Variants in ATRX observed in about 807,000 individuals in gnomAD.
ATRX encodes chromatin remodeler ATRX.
ATRX carries 12 observed loss-of-function variants against 172.6 expected under a neutral mutation model. The ratio of observed to expected loss-of-function variants is 0.07; its 90% CI spans 0.04 to 0.11. The LOEUF is 0.11. Among genes scored for constraint, ATRX ranks in the 10% least tolerant of loss-of-function variants. The pLI, the probability that ATRX is intolerant of heterozygous loss-of-function variation, is 1.00. For missense variants in ATRX, 1,368 were observed against 1,767.4 expected, an observed-to-expected ratio of 0.77 and a Z score of 4.05; for synonymous variants, 674 against 594.7, an observed-to-expected ratio of 1.13 and a Z score of -1.94.
At chrX:77,734,208 AATACATACATACATAC>A (rs201853848) in intron 1 of ATRX, among the ~76,000 whole-genome samples, 51 of 92,032 alleles carry the variant, frequency 5.5e-4, no homozygotes, top group South Asian at 5.2e-3. Context: ...TTCTGTCTCA[AATACATACATACATAC>A]ATACATACAT....
intron 7 of ATRX, among the ~76,000 whole-genome samples, chrX:77,685,829 TAC>T (rs1167884714): frequency 9.0e-6 from 1 of 111,726 alleles, no homozygotes; most frequent in Non-Finnish European, 1.9e-5. Flanking sequence ...TAAAATGCGG[TAC>T]ATATACACAA....
chrX:77,550,823 A>G, intron 30 of ATRX, among the ~76,000 whole-genome samples: 1 of 111,662 alleles, frequency 9.0e-6, no homozygotes, highest in Non-Finnish European at 1.9e-5. Flanking sequence ...CACTAATAAG[A>G]GACAAACAGA....
intron 2 of ATRX, among the ~76,000 whole-genome samples, chrX:77,712,119 T>C (rs2148729267): frequency 8.9e-6 from 1 of 111,914 alleles, no homozygotes; most frequent in South Asian, 3.7e-4. Flanking sequence ...TGATTTCACA[T>C]CCAATAAGAC....
rs202114901 is a variant in ATRX, at chrX:77,633,340, G to A, written c.5001C>T (p.Tyr1667=). The A allele has an allele frequency of 6.5e-5, 78 of 1,208,985 alleles. No individual in the cohort carries two copies. Among genetic ancestry groups the A allele is most frequent in the Non-Finnish European group, 8.2e-5 (73 of 894,782 alleles). The change falls in exon 19 of 35, where the codon TAC becomes TAT. Residue 1667 remains tyrosine, a synonymous_variant. Transcript: ENST00000373344. ...CATCTTCTTGCCACCTCTGCAGCATGTAGCTTCTCTCCTGAGGACGTTTCA... is the reference window on the plus strand; with the variant it reads ...CATCTTCTTGCCACCTCTGCAGCATATAGCTTCTCTCCTGAGGACGTTTCA... ...ATVKRPQERS[Y]MLQRWQEDGG... is the part of the protein sequence containing the mutation.
chrX:77,704,364 T>TA lies in ATRX; in HGVS notation c.134-5736dup, dbSNP rs561021715. 9.8e-5 allele frequency among the ~76,000 whole-genome samples: 11 copies of TA among 111,855 alleles called. No homozygotes were observed. The South Asian group carries it at 4.1e-3, about 42-fold the overall frequency. ...CAGCTCTGGCTGAGCCTGGGGTTTT[T>TA]ATGGGCCTCAGAGGGGAGGATGTGC... On this transcript the variant is annotated intron_variant, in intron 2 of 34. Coordinates refer to ENST00000373344, the MANE Select transcript of ATRX (RefSeq NM_000489.6).
At chrX:77,571,434 A>G (rs1602593571) in intron 28 of ATRX, among the ~76,000 whole-genome samples, 1 of 112,104 alleles carries the variant, frequency 8.9e-6, no homozygotes, top group Middle Eastern at 4.6e-3. Flanking sequence ...CATTATGCTG[A>G]CTGAAAAAAG....
At chrX:77,652,739 G>A (rs1211491389) in intron 14 of ATRX, among the ~76,000 whole-genome samples, 10 of 107,020 alleles carry the variant, frequency 9.3e-5, no homozygotes, top group African/African-American at 6.8e-5. Context: ...CCCAGGAGGC[G>A]GAGCTCGCAG....
chrX:77,692,298 C>T (rs1444472169), intron 6 of ATRX, among the ~76,000 whole-genome samples: 3 of 111,586 alleles, frequency 2.7e-5, no homozygotes, highest in African/African-American at 9.8e-5. Flanking sequence ...TTTAAGACTA[C>T]TACCTTAGCT....
At chrX:77,598,391 T>C (rs1051237174) in intron 25 of ATRX, among the ~76,000 whole-genome samples, 3 of 111,118 alleles carry the variant, frequency 2.7e-5, no homozygotes, top group Admixed American at 9.6e-5. Context: ...CATCATGCAA[T>C]ATACCCATGT....
intron 19 of ATRX, among the ~76,000 whole-genome samples, chrX:77,623,169 T>C (rs1458382863): frequency 9.0e-6 from 1 of 111,362 alleles, no homozygotes; most frequent in East Asian, 2.8e-4. Context: ...TTAGCAAGAT[T>C]AACCAAGAAA....
At chrX:77,540,001 C>T (rs2063910186) in intron 30 of ATRX, among the ~76,000 whole-genome samples, 1 of 111,544 alleles carries the variant, frequency 9.0e-6, no homozygotes, top group Non-Finnish European at 1.9e-5. Flanking sequence ...TAAATTCCCC[C>T]ACTTAAAAGG....
chrX:77,514,016 A>T (rs1481905332), intron 34 of ATRX, among the ~76,000 whole-genome samples: 2 of 111,401 alleles, frequency 1.8e-5, no homozygotes, highest in Non-Finnish European at 3.8e-5. Flanking sequence ...AACTGCCACA[A>T]TAAAGAATAA....
At chrX:77,634,511 G>T in intron 17 of ATRX, 83 bp downstream of exon 17, 1 of 817,967 alleles carries the variant, frequency 1.2e-6, no homozygotes, top group South Asian at 2.1e-5. Flanking sequence ...CAGCCCCTAC[G>T]ACTGTGCCTG....
At chrX:77,716,997 T>C (rs2073468542) in intron 2 of ATRX, 134 bp downstream of exon 2, 1 of 524,184 alleles carries the variant, frequency 1.9e-6, no homozygotes, top group Admixed American at 3.6e-5. Flanking sequence ...TAAAGCTTGC[T>C]AATCTGTCAT....
At chrX:77,725,073 G>A (rs949641630) in intron 1 of ATRX, among the ~76,000 whole-genome samples, 47 of 111,844 alleles carry the variant, frequency 4.2e-4, no homozygotes, top group African/African-American at 1.4e-3. Context: ...ACTTGAAGCT[G>A]ACTCAACCAG....
chrX:77,770,391 C>G (rs1315757352), intron 1 of ATRX, among the ~76,000 whole-genome samples: 3 of 110,680 alleles, frequency 2.7e-5, no homozygotes, highest in African/African-American at 9.9e-5. Context: ...CGTGAGCCAC[C>G]ATGCCCGGCC....
At position 77,524,768 on chromosome X, in the gene ATRX, T is replaced by G. The variant is rs1602373831; in HGVS notation, c.6700-1367A>C. 6.6e-5 allele frequency among the ~76,000 whole-genome samples: 7 copies of G among 106,653 alleles called. No homozygotes were observed. The South Asian group carries it at 3.0e-3, about 46-fold the overall frequency. 92.6% of individuals were successfully genotyped at this position (106,653 alleles called of 115,157 possible). A position where few individuals can be genotyped will look rare whatever the true frequency, so the allele number is the denominator to read the frequency against. On this transcript the variant is annotated intron_variant, in intron 30 of 34. Transcript: ENST00000373344. ...AATTCTTTTTTTTTTTTTTTTAAGA[T>G]AGGGTCCCATGTTGTCACCCAAGTT... is the stretch of plus-strand genomic sequence containing the variant.
intron 28 of ATRX, among the ~76,000 whole-genome samples, chrX:77,566,216 T>A (rs2065192820): frequency 9.0e-6 from 1 of 110,691 alleles, no homozygotes; most frequent in African/African-American, 3.3e-5. Context: ...ACAAAATATA[T>A]CAGTCATCTT....
rs782512680 is a variant in ATRX, at chrX:77,688,931, G to A, written c.485-4C>T. 4 of 1,164,404 alleles carry A rather than the reference G, an allele frequency of 3.4e-6. No individual in the cohort carries two copies. Among genetic ancestry groups the A allele is most frequent in the Non-Finnish European group, 4.7e-6 (4 of 853,189 alleles). ...ACAATCCCATGAAGCCCATCTTCTAGGAGAAAGGAGTGGCTATTATTCACA... is the reference window on the plus strand; with the variant it reads ...ACAATCCCATGAAGCCCATCTTCTAAGAGAAAGGAGTGGCTATTATTCACA... On this transcript the variant is annotated splice_region_variant and splice_polypyrimidine_tract_variant and intron_variant, in intron 6 of 34. Coordinates refer to ENST00000373344, the MANE Select transcript of ATRX (RefSeq NM_000489.6).
Sources: allele counts gnomAD v4.1 joint callset (sites outside exome capture counted in the v4.1 genomes callset), GRCh38; gene constraint gnomAD v4.1.1; transcripts MANE v1.5; gene names NCBI Gene and HGNC (gene_info 2026-07-23, HGNC 2026-07-21).